Variants in EFR3A observed in about 807,000 individuals in gnomAD.
The protein encoded by EFR3A is EFR3 homolog A.
EFR3A carries 76 observed loss-of-function variants against 104.4 expected under a neutral mutation model. The ratio of observed to expected loss-of-function variants is 0.73; its 90% CI spans 0.60 to 0.88. EFR3A has a LOEUF of 0.88. Among genes scored for constraint, EFR3A ranks in the 40% least tolerant of loss-of-function variants. EFR3A has a pLI of 0.00. For missense variants in EFR3A, 985 were observed against 1,012.5 expected (o/e 0.97, Z 0.37); for synonymous variants, 330 against 330.0 (o/e 1.00, Z 0.00).
intron 14 of EFR3A, among the ~76,000 whole-genome samples, chr8:131,983,935 T>A (rs760028399): frequency 5.3e-5 from 8 of 152,250 alleles, no homozygotes; most frequent in Non-Finnish European, 7.3e-5. Context: ...AGGTTTGTCT[T>A]CAACTTTAAC....
At chr8:131,974,475 C>T (rs1241843430) in intron 10 of EFR3A, among the ~76,000 whole-genome samples, 1 of 152,052 alleles carries the variant, frequency 6.6e-6, no homozygotes, top group Non-Finnish European at 1.5e-5. Flanking sequence ...AGGAATGTAT[C>T]TAGTTGTATG....
At chr8:131,986,120 T>A (rs1820864303) in intron 16 of EFR3A, 74 bp from the exon 17 acceptor site, 3 of 663,692 alleles carry the variant, frequency 4.5e-6, no homozygotes, top group African/African-American at 3.7e-5. Flanking sequence ...TTTTAAGCTG[T>A]TTTCTGAATT....
At position 131,960,828 on chromosome 8, in the gene EFR3A, ACTCT is replaced by A. The variant is rs1819277237; in HGVS notation, c.855+1166_855+1169del. 2.0e-5 allele frequency among the ~76,000 whole-genome samples: 3 copies of A among 152,294 alleles called. No individual in the cohort carries two copies. The South Asian group carries it at 6.2e-4, about 32-fold the overall frequency. On this transcript the variant is annotated intron_variant, in intron 8 of 22. Transcript: ENST00000254624. ...GTAATAAGATGTGATTAAGAGTTGT[ACTCT>A]GGGATCAGACAGAGTTCACTATTAG...
intron 1 of EFR3A, among the ~76,000 whole-genome samples, chr8:131,939,041 T>C (rs1818039895): frequency 6.6e-6 from 1 of 152,162 alleles, no homozygotes; most frequent in South Asian, 2.1e-4. Context: ...CAAAGATTTT[T>C]ATGCTATTGG....
At chr8:132,002,247 A>G (rs1356252253) in intron 20 of EFR3A, among the ~76,000 whole-genome samples, 1 of 152,194 alleles carries the variant, frequency 6.6e-6, no homozygotes, top group Non-Finnish European at 1.5e-5. Flanking sequence ...TCGTATGTGC[A>G]AGAACGTAGT....
chr8:131,985,003 C>G lies in EFR3A; in HGVS notation c.1812C>G (p.Tyr604Ter). The G allele has an allele frequency of 1.2e-6, 2 of 1,613,634 alleles. No individual in the cohort carries two copies. The highest frequency in any genetic ancestry group is 8.5e-7 in the Non-Finnish European group (1 of 1,179,654). The change falls in exon 16 of 23, where the codon TAC becomes TAG. Residue 604 changes from tyrosine to a stop codon, truncating the protein, a stop_gained. Transcript: ENST00000254624. LOFTEE classifies it high-confidence loss of function. ...GAATCATGGCACTGGTTGCAGCATA[C>G]CTCAACTTTGTAAGTCAGATGATAG... ...RCGIMALVAA[Y>*]LNFVSQMIAV...
At chr8:131,973,027 T>C (rs1039397) in intron 10 of EFR3A, among the ~76,000 whole-genome samples, 127,147 of 147,334 alleles carry the variant, frequency 0.86, 55,005 homozygotes, top group East Asian at 0.94. Context: ...TGTTGATCTG[T>C]GTGGAGTGGT....
At chr8:131,941,813 A>G (rs1363845261) in intron 2 of EFR3A, among the ~76,000 whole-genome samples, 1 of 152,090 alleles carries the variant, frequency 6.6e-6, no homozygotes, top group Non-Finnish European at 1.5e-5. Context: ...TAGTCTCTTT[A>G]TTGCAAGTGA....
At position 131,929,119 on chromosome 8, in the gene EFR3A, A is replaced by T. The variant is rs751974976; in HGVS notation, c.11-11380A>T. Among the ~76,000 whole-genome samples, 116 of 152,110 alleles carry T rather than the reference A, an allele frequency of 7.6e-4. 1 individual carries two copies. Among genetic ancestry groups the T allele is most frequent in the Admixed American group, 1.8e-3 (27 of 15,256 alleles). On this transcript the variant is annotated intron_variant, in intron 1 of 22. Transcript: ENST00000254624. ...TCTGCTACAGGATATCCCACCTTCA[A>T]GTTTACCTCAAATTTAATATGTGCA...
chr8:131,925,977 T>C (rs977840643), intron 1 of EFR3A, among the ~76,000 whole-genome samples: 6 of 152,088 alleles, frequency 3.9e-5, no homozygotes, highest in Non-Finnish European at 1.5e-5. Flanking sequence ...TTTTGAGTTT[T>C]AAAATAAATG....
At chr8:131,958,039 A>G (rs1018234817) in intron 7 of EFR3A, among the ~76,000 whole-genome samples, 1 of 152,200 alleles carries the variant, frequency 6.6e-6, no homozygotes, top group Non-Finnish European at 1.5e-5. Context: ...AGATAGAGCT[A>G]TATAGGACAC....
At chr8:131,997,690 T>C (rs1821565391) in intron 19 of EFR3A, among the ~76,000 whole-genome samples, 1 of 152,058 alleles carries the variant, frequency 6.6e-6, no homozygotes, top group African/African-American at 2.4e-5. Context: ...GTTCTGTCTT[T>C]TAATGATTAT....
At chr8:131,992,070 A>G (rs916560771) in intron 18 of EFR3A, among the ~76,000 whole-genome samples, 9 of 151,910 alleles carry the variant, frequency 5.9e-5, no homozygotes, top group Non-Finnish European at 1.0e-4. Context: ...TCTTTCTGCA[A>G]CCCCTCAGCT....
intron 1 of EFR3A, among the ~76,000 whole-genome samples, chr8:131,938,829 G>A (rs1818028956): frequency 6.6e-6 from 1 of 152,014 alleles, no homozygotes; most frequent in Non-Finnish European, 1.5e-5. Flanking sequence ...TCTCTAAGCT[G>A]GTTTCCTCAT....
intron 19 of EFR3A, 130 bp downstream of exon 19, chr8:131,996,627 G>T: frequency 1.9e-6 from 1 of 534,034 alleles, no homozygotes; most frequent in Non-Finnish European, 3.2e-6. Context: ...TAAATTATTA[G>T]TAGAAATTAA....
chr8:131,931,597 T>C lies in EFR3A; in HGVS notation c.11-8902T>C, dbSNP rs996871014. 1.1e-4 allele frequency among the ~76,000 whole-genome samples: 17 copies of C among 152,152 alleles called. 1 individual carries two copies. Among genetic ancestry groups the C allele is most frequent in the Admixed American group, 1.0e-3 (16 of 15,270 alleles). ...TGCTTAATATCAGGAACCAGTTGTA[T>C]GAATATTTGCAAATTTCACAATGCC... On this transcript the variant is annotated intron_variant, in intron 1 of 22. Coordinates refer to ENST00000254624, the MANE Select transcript of EFR3A (RefSeq NM_015137.6).
chr8:131,910,780 G>T (rs1816477242), intron 1 of EFR3A, among the ~76,000 whole-genome samples: 3 of 152,200 alleles, frequency 2.0e-5, no homozygotes, highest in Admixed American at 2.0e-4. Flanking sequence ...GAATGATCCA[G>T]TTATCATATG....
intron 22 of EFR3A, among the ~76,000 whole-genome samples, chr8:132,007,462 A>G (rs1822110377): frequency 6.6e-6 from 1 of 152,058 alleles, no homozygotes; most frequent in Admixed American, 6.6e-5. Context: ...CATGAATGAG[A>G]GAAATTAACA....
chr8:131,939,235 G>T (rs1818049004), intron 1 of EFR3A, among the ~76,000 whole-genome samples: 1 of 152,010 alleles, frequency 6.6e-6, no homozygotes, highest in South Asian at 2.1e-4. Flanking sequence ...TACTGATGGG[G>T]AAACTTGTGT....
Sources: allele counts gnomAD v4.1 joint callset (sites outside exome capture counted in the v4.1 genomes callset), GRCh38; gene constraint gnomAD v4.1.1; transcripts MANE v1.5; gene names NCBI Gene and HGNC (gene_info 2026-07-23, HGNC 2026-07-21).